TENT4A: variants seen among roughly 807,000 people sequenced by gnomAD.
TENT4A encodes terminal nucleotidyltransferase 4A.
Under a neutral mutation model 72.8 loss-of-function variants are expected in TENT4A, and 7 were observed. The ratio of observed to expected loss-of-function variants is 0.10; its 90% CI spans 0.05 to 0.18. TENT4A has a LOEUF of 0.18. Ranked by LOEUF, TENT4A falls within the 10% of genes least tolerant of loss-of-function variation. The pLI, the probability that TENT4A is intolerant of heterozygous loss-of-function variation, is 1.00. For synonymous variants in TENT4A, 456 were observed against 434.3 expected (o/e 1.05, Z -0.62); for missense variants, 831 against 1,017.7 (o/e 0.82, Z 2.50).
Position 6,714,242 on chromosome 5 carries a change from G to T in TENT4A, c.259G>T (p.Ala87Ser). 4.9e-6 allele frequency: 5 copies of T among 1,010,572 alleles called. No homozygotes were observed. The highest frequency in any genetic ancestry group is 5.9e-6 in the Non-Finnish European group (5 of 850,318). The allele number at this position is 1,010,572 out of a possible 1,614,324, so 62.6% of individuals were successfully genotyped here. ...CACCGCGCCCGCCGCGCTGCCCCCCGCGCTGCTGACGGCGCTGGGGCCCGC... is the reference window on the plus strand; with the variant it reads ...CACCGCGCCCGCCGCGCTGCCCCCCTCGCTGCTGACGGCGCTGGGGCCCGC... ...GPTAPAALPP[A>S]LLTALGPAAE... The change falls in exon 1 of 13, where the codon GCG (alanine) becomes TCG (serine). Residue 87 changes from alanine to serine, a missense_variant. Physicochemically the swap from Ala to Ser is moderately conservative, Grantham distance 99. This residue lies in a region of TENT4A where 302 missense variants were observed against 293.8 expected (regional missense o/e 1.03). Transcript: ENST00000230859.
At chr5:6,718,678 C>G (rs1740504206) in intron 1 of TENT4A, among the ~76,000 whole-genome samples, 1 of 152,246 alleles carries the variant, frequency 6.6e-6, no homozygotes, top group African/African-American at 2.4e-5. Flanking sequence ...TCTTCCAACA[C>G]TCCTTCCATT....
At chr5:6,726,229 C>G (rs1210966269) in intron 1 of TENT4A, among the ~76,000 whole-genome samples, 1 of 152,156 alleles carries the variant, frequency 6.6e-6, no homozygotes, top group Non-Finnish European at 1.5e-5. Flanking sequence ...GAGCTGCGTC[C>G]CTGTGTTGTA....
chr5:6,714,167 G>A lies in TENT4A; in HGVS notation c.184G>A (p.Gly62Ser). 1 of 972,140 alleles carries A rather than the reference G, an allele frequency of 1.0e-6. No homozygotes were observed. Among genetic ancestry groups the A allele is most frequent in the Non-Finnish European group, 1.2e-6 (1 of 823,296 alleles). The allele number at this position is 972,140 out of a possible 1,614,324, so 60.2% of individuals were successfully genotyped here. Residue 62 changes from glycine to serine, a missense_variant, in exon 1 of 13, where the codon GGC becomes AGC. Physicochemically the swap from Gly to Ser is moderately conservative, Grantham distance 56. Around this residue, in one of 3 missense-constraint regions of TENT4A, gnomAD observed 302 missense variants for 293.8 expected, o/e 1.03. Coordinates refer to ENST00000230859, the MANE Select transcript of TENT4A (RefSeq NM_006999.6). ...GGCGGGGGCGGCCGGGCGGGGCAGT[G>A]GCGGCCTGGGCCCCGCGCTGCCCGC... is the stretch of plus-strand genomic sequence containing the variant. ...AAAGAAGRGSGGLGPALPAAS... is the reference protein window; with the variant it reads ...AAAGAAGRGSSGLGPALPAAS...
At position 6,713,911 on chromosome 5, in the gene TENT4A, G is replaced by A. The variant is rs1454297080; in HGVS notation, c.-73G>A. 1.7e-6 allele frequency: 1 copy of A among 581,444 alleles called. No individual in the cohort carries two copies. The highest frequency in any genetic ancestry group is 2.2e-6 in the Non-Finnish European group (1 of 464,266). 36.0% of individuals were successfully genotyped at this position (581,444 alleles called of 1,614,324 possible). On this transcript the variant is annotated 5_prime_UTR_variant, in exon 1 of 13. Coordinates refer to ENST00000230859, the MANE Select transcript of TENT4A (RefSeq NM_006999.6). Reference sequence around the variant, plus strand: ...CGTCCGTCCGTGCGCGCGCGGCCGGGCCTCGGGGCGCGGCGGGGGCGGGGC... The same window carrying A: ...CGTCCGTCCGTGCGCGCGCGGCCGGACCTCGGGGCGCGGCGGGGGCGGGGC...
At chr5:6,742,409 G>A in intron 4 of TENT4A, 81 bp from the exon 5 acceptor site, 1 of 871,488 alleles carries the variant, frequency 1.1e-6, no homozygotes, top group Non-Finnish European at 1.9e-6. Flanking sequence ...CCAAACCTCT[G>A]TACAGCTTTG....
At position 6,714,373 on chromosome 5, in the gene TENT4A, G is replaced by A. The variant is rs1476135616; in HGVS notation, c.390G>A (p.Ser130=). 8.8e-7 allele frequency: 1 copy of A among 1,136,602 alleles called. No homozygotes were observed. Among genetic ancestry groups the A allele is most frequent in the Non-Finnish European group, 1.1e-6 (1 of 927,900 alleles). 70.4% of individuals were successfully genotyped at this position (1,136,602 alleles called of 1,614,324 possible). Residue 130 remains serine (S), a synonymous_variant, in exon 1 of 13, where the codon TCG becomes TCA. Coordinates refer to ENST00000230859, the MANE Select transcript of TENT4A (RefSeq NM_006999.6). ...ESGTESPGCS[S]SSSSSASLGR... ...GCACCGAGAGCCCCGGCTGCTCGTC[G>A]TCGTCCTCCAGCAGCGCCTCGCTGG... is the stretch of plus-strand genomic sequence containing the variant.
chr5:6,744,449 T>A (rs1741975376), intron 6 of TENT4A, among the ~76,000 whole-genome samples: 1 of 152,246 alleles, frequency 6.6e-6, no homozygotes, highest in Non-Finnish European at 1.5e-5. Context: ...CCGTTTATAT[T>A]TTCTTGAGTG....
chr5:6,743,473 G>T (rs1444866766), intron 5 of TENT4A, among the ~76,000 whole-genome samples: 1 of 152,052 alleles, frequency 6.6e-6, no homozygotes, highest in African/African-American at 2.4e-5. Context: ...TCATGGTAGG[G>T]GTGCACCCCT....
chr5:6,748,346 G>T, intron 7 of TENT4A, 118 bp from the exon 8 acceptor site: 2 of 1,352,414 alleles, frequency 1.5e-6, no homozygotes, highest in Non-Finnish European at 2.1e-6. Flanking sequence ...TTGCTGGTAG[G>T]GTCTGGAAGA....
At chr5:6,745,022 T>C (rs937687844) in intron 6 of TENT4A, among the ~76,000 whole-genome samples, 1 of 152,174 alleles carries the variant, frequency 6.6e-6, no homozygotes, top group Non-Finnish European at 1.5e-5. Context: ...GGGATTCCTG[T>C]GTTCACTGCC....
At chr5:6,749,713 GAA>G (rs1742293549) in intron 9 of TENT4A, 56 bp downstream of exon 9, 1 of 1,123,212 alleles carries the variant, frequency 8.9e-7, no homozygotes, top group African/African-American at 1.5e-5. Flanking sequence ...TGTTCATGCA[GAA>G]GTGTCTCTAT....
At chr5:6,744,903 T>A (rs1185430017) in intron 6 of TENT4A, among the ~76,000 whole-genome samples, 1 of 152,234 alleles carries the variant, frequency 6.6e-6, no homozygotes, top group Non-Finnish European at 1.5e-5. Context: ...CTTAATACTT[T>A]GATCATGCAT....
Position 6,714,077 on chromosome 5 carries a change from C to A in TENT4A, c.94C>A (p.Arg32Ser). The A allele has an allele frequency of 1.0e-6, 1 of 990,450 alleles. No individual in the cohort carries two copies. The highest frequency in any genetic ancestry group is 1.2e-6 in the Non-Finnish European group (1 of 834,200). The allele number at this position is 990,450 out of a possible 1,614,324, so 61.4% of individuals were successfully genotyped here. Residue 32 changes from arginine to serine, a missense_variant, in exon 1 of 13, where the codon CGC becomes AGC. Physicochemically the swap from Arg to Ser is moderately radical, Grantham distance 110. This residue lies in a region of TENT4A where 302 missense variants were observed against 293.8 expected (regional missense o/e 1.03). Coordinates refer to ENST00000230859, the MANE Select transcript of TENT4A (RefSeq NM_006999.6). Reference protein sequence around the residue: ...QIWETSQGVGRGGSGFASYFC... With the variant: ...QIWETSQGVGSGGSGFASYFC... ...CTGGGAGACCTCGCAGGGCGTGGGC[C>A]GCGGCGGCTCGGGCTTCGCGTCCTA... is the stretch of plus-strand genomic sequence containing the variant.
At chr5:6,717,085 C>A (rs965593272) in intron 1 of TENT4A, among the ~76,000 whole-genome samples, 1 of 152,194 alleles carries the variant, frequency 6.6e-6, no homozygotes, top group Non-Finnish European at 1.5e-5. Flanking sequence ...TAAGGTCCCC[C>A]CTGTGATCAT....
intron 1 of TENT4A, chr5:6,714,911 C>T (rs1740286917): frequency 3.7e-6 from 1 of 269,334 alleles, no homozygotes; most frequent in Non-Finnish European, 6.9e-6. Flanking sequence ...AGTAACAGTC[C>T]AAGAAAAGGG....
rs1333096711 is a variant in TENT4A at position 6,714,394 on chromosome 5, G to A, written c.411G>A (p.Ser137=). The change falls in exon 1 of 13, where the codon TCG becomes TCA. Residue 137 remains serine (S), a synonymous_variant. Coordinates refer to ENST00000230859, the MANE Select transcript of TENT4A (RefSeq NM_006999.6). ...CGTCGTCGTCCTCCAGCAGCGCCTC[G>A]CTGGGCCGGCCGGGCGGCGGCCGCG... is the stretch of plus-strand genomic sequence containing the variant. The part of the protein sequence containing the change: ...GCSSSSSSSA[S]LGRPGGGRGG... 8.8e-7 allele frequency: 1 copy of A among 1,135,418 alleles called. No individual in the cohort carries two copies. The highest frequency in any genetic ancestry group is 1.1e-6 in the Non-Finnish European group (1 of 927,140). 70.3% of individuals were successfully genotyped at this position (1,135,418 alleles called of 1,614,324 possible). A position where few individuals can be genotyped will look rare whatever the true frequency, so the allele number is the denominator to read the frequency against.
chr5:6,719,342 T>C (rs1740536356), intron 1 of TENT4A, among the ~76,000 whole-genome samples: 1 of 152,132 alleles, frequency 6.6e-6, no homozygotes, highest in South Asian at 2.1e-4. Context: ...TCTGATTTTG[T>C]AGTTGTGGAG....
At position 6,746,349 on chromosome 5, in the gene TENT4A, G is replaced by C; in HGVS notation, c.1381G>C (p.Ala461Pro). The change falls in exon 7 of 13, where the codon GCC becomes CCC. Residue 461 changes from alanine (A) to proline (P), a missense_variant. By Grantham distance (27) the Ala-to-Pro change is conservative (BLOSUM62 -1). Transcript: ENST00000230859. ...IRIKEGGAYI[A>P]KEEIMKAMTS... ...AATCAAAGAAGGAGGTGCCTATATCGCCAAAGAGGAGATCATGAAAGCCAT... is the reference window on the plus strand; with the variant it reads ...AATCAAAGAAGGAGGTGCCTATATCCCCAAAGAGGAGATCATGAAAGCCAT... The C allele has an allele frequency of 6.2e-7, 1 of 1,614,070 alleles. No individual in the cohort carries two copies. The highest frequency in any genetic ancestry group is 8.5e-7 in the Non-Finnish European group (1 of 1,180,016).
At chr5:6,750,293 T>C in intron 9 of TENT4A, 38 bp from the exon 10 acceptor site, 1 of 1,576,826 alleles carries the variant, frequency 6.3e-7, no homozygotes, top group African/African-American at 1.4e-5. Flanking sequence ...ACGCCGCAGT[T>C]CTCAGGAGTT....
Sources: allele counts gnomAD v4.1 joint callset (sites outside exome capture counted in the v4.1 genomes callset), GRCh38; gene constraint gnomAD v4.1.1; regional missense constraint gnomAD v4.1.1; transcripts MANE v1.5; gene names NCBI Gene and HGNC (gene_info 2026-07-23, HGNC 2026-07-21).